The following HOXA3 variants were observed in gnomAD, a reference collection of about 807,000 sequenced individuals.
HOXA3 encodes the protein homeobox protein Hox-A3.
HOXA3 carries 8 observed loss-of-function variants against 30.3 expected under a neutral mutation model. That is an observed-to-expected ratio of 0.26 (90% confidence interval 0.15 to 0.48). The LOEUF is 0.48. Among genes scored for constraint, HOXA3 ranks in the 20% least tolerant of loss-of-function variants. The pLI is 0.99. For synonymous variants in HOXA3, 323 were observed against 273.1 expected (o/e 1.18, Z -1.80); for missense variants, 653 against 614.4 (o/e 1.06, Z -0.66).
At chr7:27,136,722 T>C (rs1785725809) in intron 2 of HOXA3, among the ~76,000 whole-genome samples, 1 of 152,234 alleles carries the variant, frequency 6.6e-6, no homozygotes, top group African/African-American at 2.4e-5. Context: ...AATTATCTAA[T>C]AACCTTCATA....
Position 27,108,755 on chromosome 7 carries a change from GGCT to G in HOXA3, c.527-38_527-36del. The stretch of plus-strand genomic sequence containing the variant: ...CAGAGAGAGGAAGAGCGGCGTCAGG[GGCT>G]GCCGCGGCCCCGCCCAGCCCCTGAC... On this transcript the variant is annotated intron_variant, in intron 5 of 5. Transcript: ENST00000612286. This position sits in a 1 kb window ranked among gnomAD's most constrained non-coding sequence, Gnocchi z 5.0. The G allele has an allele frequency of 6.6e-7, 1 of 1,507,598 alleles. No homozygotes were observed. The highest frequency in any genetic ancestry group is 8.9e-7 in the Non-Finnish European group (1 of 1,119,620). The allele number at this position is 1,507,598 out of a possible 1,614,324, so 93.4% of individuals were successfully genotyped here.
intron 2 of HOXA3, among the ~76,000 whole-genome samples, chr7:27,133,708 G>T (rs1198952188): frequency 6.6e-6 from 1 of 152,214 alleles, no homozygotes; most frequent in Admixed American, 6.5e-5. Flanking sequence ...AGCTTGGTTT[G>T]AATCTGATTT....
rs1407172788 is a variant in HOXA3, at chr7:27,130,989, G to A, written c.-389-3919C>T. 2.0e-5 allele frequency among the ~76,000 whole-genome samples: 3 copies of A among 152,042 alleles called. No individual in the cohort carries two copies. The East Asian group carries it at 5.8e-4, about 30-fold the overall frequency. ...CCCCACCAATGGGCGCACCGCGCGC[G>A]CGGACCCGGATCAGGAAACGCGCGG... On this transcript the variant is annotated intron_variant, in intron 2 of 5. Transcript: ENST00000612286.
At chr7:27,135,117 A>G (rs962393340) in intron 2 of HOXA3, among the ~76,000 whole-genome samples, 6 of 151,508 alleles carry the variant, frequency 4.0e-5, no homozygotes, top group Admixed American at 6.6e-5. Context: ...CTTCCTTAAT[A>G]CACTATTCTC....
chr7:27,137,859 A>C (rs1785761031), intron 2 of HOXA3, among the ~76,000 whole-genome samples: 4 of 152,210 alleles, frequency 2.6e-5, no homozygotes, highest in Admixed American at 2.0e-4. Flanking sequence ...CTTTCTGCTC[A>C]TTCCCACACC....
At position 27,130,315 on chromosome 7, in the gene HOXA3, A is replaced by G. The variant is rs10251056; in HGVS notation, c.-389-3245T>C. On this transcript the variant is annotated intron_variant, in intron 2 of 5. Coordinates refer to ENST00000612286, the MANE Select transcript of HOXA3 (RefSeq NM_153631.3). ...GGCGCGAGGCTGCAGGGGCGGCGGC[A>G]GCTGGGGCTGCAGGACGTGGCTCGC... is the stretch of plus-strand genomic sequence containing the variant. 1,048,767 of 1,086,266 alleles carry G rather than the reference A, an allele frequency of 0.97. 506,437 individuals are homozygous for G. The highest frequency in any genetic ancestry group is 1 in the East Asian group (17,574 of 17,642). 67.3% of individuals were successfully genotyped at this position (1,086,266 alleles called of 1,614,324 possible). A position where few individuals can be genotyped will look rare whatever the true frequency, so the allele number is the denominator to read the frequency against.
At position 27,107,630 on chromosome 7, in the gene HOXA3, T is replaced by G; in HGVS notation, c.*285A>C. The stretch of plus-strand genomic sequence containing the variant: ...ATATACCCTGTTTCTGATCAAAGAG[T>G]GGAGAAGGTAAAGGGTGCAGGGCCA... On this transcript the variant is annotated 3_prime_UTR_variant, in exon 6 of 6. Coordinates refer to ENST00000612286, the MANE Select transcript of HOXA3 (RefSeq NM_153631.3). 2.9e-6 allele frequency: 1 copy of G among 344,134 alleles called. No homozygotes were observed. The highest frequency in any genetic ancestry group is 5.2e-6 in the Non-Finnish European group (1 of 193,656). The allele number at this position is 344,134 out of a possible 1,614,324, so 21.3% of individuals were successfully genotyped here.
intron 2 of HOXA3, chr7:27,130,539 G>A (rs1302256131): frequency 7.3e-7 from 1 of 1,367,498 alleles, no homozygotes; most frequent in South Asian, 1.8e-5. Context: ...GCTCTCGGCC[G>A]CCGCCCGCGT....
In HOXA3 at chr7:27,110,433, C is replaced by A; in HGVS notation, c.208G>T (p.Ala70Ser). Residue 70 changes from alanine (A) to serine (S), a missense_variant, in exon 5 of 6, where the codon GCG becomes TCG. Physicochemically the swap from Ala to Ser is moderately conservative, Grantham distance 99. Transcript: ENST00000612286. ...GHPKAHELSE[A>S]CLRTLSAPPS... Reference sequence around the variant, plus strand: ...GGGGCGCTCAGGGTGCGCAGGCACGCCTCACTCAGTTCGTGTGCCTTGGGG... The same window carrying A: ...GGGGCGCTCAGGGTGCGCAGGCACGACTCACTCAGTTCGTGTGCCTTGGGG... 6.4e-7 allele frequency: 1 copy of A among 1,570,172 alleles called. No homozygotes were observed.
Position 27,145,452 on chromosome 7 carries a change from GTTT to G in HOXA3, c.-493-5269_-493-5267del. ...TGGTATTGGCTGTGTGTGAGGTTTT[GTTT>G]TGTTTTGTTTTGTTTTGTTTTGTTT... On this transcript the variant is annotated intron_variant, in intron 1 of 5. Coordinates refer to ENST00000612286, the MANE Select transcript of HOXA3 (RefSeq NM_153631.3). 1.1e-5 allele frequency: 6 copies of G among 557,880 alleles called. 1 individual carries two copies. Among genetic ancestry groups the G allele is most frequent in the Admixed American group, 6.7e-5 (2 of 29,656 alleles). 34.6% of individuals were successfully genotyped at this position (557,880 alleles called of 1,614,324 possible).
At chr7:27,114,860 T>TA (rs1342304292) in intron 4 of HOXA3, among the ~76,000 whole-genome samples, 18 of 110,024 alleles carry the variant, frequency 1.6e-4, no homozygotes, top group South Asian at 5.3e-4. Flanking sequence ...ATATTATATA[T>TA]ATAATATATA....
intron 1 of HOXA3, among the ~76,000 whole-genome samples, chr7:27,149,583 T>C (rs550837995): frequency 1.6e-4 from 24 of 152,362 alleles, no homozygotes; most frequent in Admixed American, 5.9e-4. Context: ...CAACGGGGGC[T>C]ACCCCTGGAA....
At chr7:27,146,741 T>G (rs1410539195) in intron 1 of HOXA3, among the ~76,000 whole-genome samples, 1 of 151,824 alleles carries the variant, frequency 6.6e-6, no homozygotes, top group East Asian at 1.9e-4. Context: ...AGGGCAGAAG[T>G]TGGCTAAGAG....
chr7:27,129,756 C>T (rs1583395664), intron 2 of HOXA3, among the ~76,000 whole-genome samples: 1 of 152,254 alleles, frequency 6.6e-6, no homozygotes, highest in East Asian at 1.9e-4. Flanking sequence ...CTATTGACAA[C>T]GGGAAACACC....
At chr7:27,130,430 A>T (rs1785487301) in intron 2 of HOXA3, 3 of 1,187,556 alleles carry the variant, frequency 2.5e-6, no homozygotes, top group Non-Finnish European at 2.1e-6. Context: ...CGGTAGCCAT[A>T]GGGGTAGGCG....
chr7:27,125,699 G>A (rs1439119033), intron 3 of HOXA3, among the ~76,000 whole-genome samples: 1 of 152,224 alleles, frequency 6.6e-6, no homozygotes, highest in Non-Finnish European at 1.5e-5. Context: ...GAGTGCCAAG[G>A]GCAGCCTACT....
chr7:27,147,369 G>T (rs755186230), intron 1 of HOXA3: 19 of 1,614,156 alleles, frequency 1.2e-5, no homozygotes, highest in Non-Finnish European at 1.4e-5. Context: ...TCCGGTCGGC[G>T]CCTTCGTCAT....
At chr7:27,129,307 G>A in intron 2 of HOXA3, 1 of 1,614,162 alleles carries the variant, frequency 6.2e-7, no homozygotes, top group South Asian at 1.1e-5. Context: ...TGCTTTCCCT[G>A]GTGGGCCGGC....
At chr7:27,130,416 G>A (rs747276340) in intron 2 of HOXA3, 118 of 1,174,304 alleles carry the variant, frequency 1.0e-4, no homozygotes, top group Non-Finnish European at 1.2e-4. Context: ...GGCTGGCGCC[G>A]CCGCGGTAGC....
Sources: gnomAD v4.1 joint callset for allele counts (sites outside exome capture counted in the v4.1 genomes callset) on GRCh38, gnomAD v4.1.1 for gene constraint, Gnocchi (gnomAD v3.1) non-coding constraint, MANE v1.5 for transcripts, NCBI Gene and HGNC (gene_info 2026-07-23, HGNC 2026-07-21) for gene names.